Variants in PCYOX1 observed in about 807,000 individuals in gnomAD.
The protein encoded by PCYOX1 is prenylcysteine oxidase 1, also known as prenylcysteine lyase.
A neutral mutation model predicts 46.4 loss-of-function variants in PCYOX1; 46 were observed. The observed-to-expected ratio is 0.99, with a 90% CI of 0.78 to 1.27. PCYOX1 has a LOEUF of 1.27. PCYOX1 is among the 50% of genes most tolerant of loss of function. The pLI, the probability that PCYOX1 is intolerant of heterozygous loss-of-function variation, is 0.00. For synonymous variants in PCYOX1, 220 were observed against 231.8 expected (o/e 0.95, Z 0.46); for missense variants, 658 against 628.3 (o/e 1.05, Z -0.51).
intron 3 of PCYOX1, among the ~76,000 whole-genome samples, chr2:70,265,156 T>G (rs1162991986): frequency 6.6e-6 from 1 of 151,806 alleles, no homozygotes; most frequent in East Asian, 1.9e-4. Flanking sequence ...CTTCTGCACA[T>G]ACATTTATGT....
Position 70,281,139 on chromosome 2 carries a change from T to TACTC in PCYOX1, c.*3747_*3748insACTC, listed in dbSNP as rs2104905300. ...CCTCTTTCTACTCTTGTATTAAAATTTTTCCCCACTTCATGATTATATTCA... is the reference window on the plus strand; with the variant it reads ...CCTCTTTCTACTCTTGTATTAAAATTACTCTTTCCCCACTTCATGATTATATTCA... On this transcript the variant is annotated 3_prime_UTR_variant, in exon 6 of 6. Coordinates refer to ENST00000433351, the MANE Select transcript of PCYOX1 (RefSeq NM_016297.4). 6.6e-6 allele frequency: 1 copy of TACTC among 152,378 alleles called. No individual in the cohort carries two copies. Among genetic ancestry groups the TACTC allele is most frequent in the African/African-American group, 2.4e-5 (1 of 41,576 alleles). The allele number at this position is 152,378 out of a possible 1,614,324, so 9.4% of individuals were successfully genotyped here.
rs1696708350 is a variant in PCYOX1, at chr2:70,277,784, T to C, written c.*392T>C. 3 of 163,030 alleles carry C rather than the reference T, an allele frequency of 1.8e-5. No individual in the cohort carries two copies. Among genetic ancestry groups the C allele is most frequent in the Non-Finnish European group, 4.0e-5 (3 of 75,020 alleles). 10.1% of individuals were successfully genotyped at this position (163,030 alleles called of 1,614,324 possible). On this transcript the variant is annotated 3_prime_UTR_variant, in exon 6 of 6. Transcript: ENST00000433351. ...ATCACCTGGAGTTTGTTAAACCATA[T>C]GGATTCTCAAGCTCCTCTCTTGAAG...
At chr2:70,263,632 C>T (rs1248352973) in intron 3 of PCYOX1, among the ~76,000 whole-genome samples, 1 of 152,036 alleles carries the variant, frequency 6.6e-6, no homozygotes, top group Non-Finnish European at 1.5e-5. Flanking sequence ...ATGGCATCAG[C>T]CCTGCTTGTG....
intron 3 of PCYOX1, among the ~76,000 whole-genome samples, chr2:70,264,333 C>CTT (rs761565503): frequency 2.2e-5 from 3 of 137,062 alleles, no homozygotes; most frequent in Non-Finnish European, 3.2e-5. Context: ...TAAGAAATTA[C>CTT]TTTTTTTTTT....
rs750664588 is a variant in PCYOX1 at position 70,276,871 on chromosome 2, A to G, written c.997A>G (p.Ile333Val). 27 of 1,613,084 alleles carry G rather than the reference A, an allele frequency of 1.7e-5. No individual in the cohort carries two copies. Among genetic ancestry groups the G allele is most frequent in the Middle Eastern group, 1.6e-4 (1 of 6,082 alleles). The part of the protein sequence containing the change: ...NITFLNFDPP[I>V]EEFHQYYQHI... ...TACTTTTCTCAACTTTGATCCTCCA[A>G]TTGAGGAATTCCATCAATATTATCA... Residue 333 changes from isoleucine to valine, a missense_variant, in exon 6 of 6, where the codon ATT becomes GTT. Physicochemically the swap from Ile to Val is conservative, Grantham distance 29. Transcript: ENST00000433351.
intron 5 of PCYOX1, among the ~76,000 whole-genome samples, chr2:70,276,464 C>T (rs924478002): frequency 6.6e-6 from 1 of 152,126 alleles, no homozygotes; most frequent in African/African-American, 2.4e-5. Flanking sequence ...CCTCGGCCTC[C>T]CAAAGTGCTG....
intron 2 of PCYOX1, among the ~76,000 whole-genome samples, chr2:70,260,908 C>T (rs1696426371): frequency 6.6e-6 from 1 of 152,042 alleles, no homozygotes; most frequent in African/African-American, 2.4e-5. Flanking sequence ...AAATTGAATT[C>T]AGTTGGTACT....
chr2:70,274,819 C>T (rs1217455142), intron 3 of PCYOX1, 140 bp from the exon 4 acceptor site: 4 of 644,598 alleles, frequency 6.2e-6, no homozygotes, highest in African/African-American at 1.8e-5. Flanking sequence ...CCACCTCTGC[C>T]TCCCAAAGTG....
At chr2:70,275,267 A>G (rs978309284) in intron 4 of PCYOX1, 97 bp downstream of exon 4, 5 of 1,098,444 alleles carry the variant, frequency 4.6e-6, no homozygotes, top group South Asian at 2.6e-5. Flanking sequence ...ATTGGAGGCT[A>G]CTTTTCTCTG....
chr2:70,273,770 C>T (rs1696632093), intron 3 of PCYOX1, among the ~76,000 whole-genome samples: 1 of 152,138 alleles, frequency 6.6e-6, no homozygotes, highest in Non-Finnish European at 1.5e-5. Context: ...GTTTTAAATC[C>T]ATAAAATGCA....
chr2:70,280,327 T>A lies in PCYOX1; in HGVS notation c.*2935T>A, dbSNP rs1696754281. On this transcript the variant is annotated 3_prime_UTR_variant, in exon 6 of 6. Transcript: ENST00000433351. ...GCAACTATAGTATTAAGAGTTTTAT[T>A]GGAAGAAAAAACACTGTCAGAGCTT... is the stretch of plus-strand genomic sequence containing the variant. 1 of 152,044 alleles carries A rather than the reference T, an allele frequency of 6.6e-6. No individual in the cohort carries two copies. The highest frequency in any genetic ancestry group is 1.5e-5 in the Non-Finnish European group (1 of 68,010). 9.4% of individuals were successfully genotyped at this position (152,044 alleles called of 1,614,324 possible). A position where few individuals can be genotyped will look rare whatever the true frequency, so the allele number is the denominator to read the frequency against.
intron 1 of PCYOX1, among the ~76,000 whole-genome samples, chr2:70,258,922 C>G (rs565535921): frequency 6.6e-6 from 1 of 152,342 alleles, no homozygotes; most frequent in South Asian, 2.1e-4. Context: ...CTCCCGCCCC[C>G]CTTTAAAGTT....
At chr2:70,271,476 T>C (rs1696600087) in intron 3 of PCYOX1, among the ~76,000 whole-genome samples, 2 of 152,176 alleles carry the variant, frequency 1.3e-5, no homozygotes, top group South Asian at 2.1e-4. Flanking sequence ...TTTATAAATA[T>C]TGTCATATTT....
intron 3 of PCYOX1, among the ~76,000 whole-genome samples, chr2:70,267,218 A>C (rs552263164): frequency 2.7e-5 from 4 of 150,090 alleles, no homozygotes; most frequent in Admixed American, 6.6e-5. Flanking sequence ...CGCTCCCCAC[A>C]TCCCAGACGA....
At position 70,258,245 on chromosome 2, in the gene PCYOX1, C is replaced by T; in HGVS notation, c.81C>T (p.Gly27=). The change falls in exon 1 of 6, where the codon GGC becomes GGT. Residue 27 remains glycine (G), a synonymous_variant. Coordinates refer to ENST00000433351, the MANE Select transcript of PCYOX1 (RefSeq NM_016297.4). ...LLLCSCGCPE[G]AELRAPPDKI... ...TGTGCAGCTGCGGATGCCCCGAGGGCGCCGAGCTGCGTGCTCCGCCAGATA... is the reference window on the plus strand; with the variant it reads ...TGTGCAGCTGCGGATGCCCCGAGGGTGCCGAGCTGCGTGCTCCGCCAGATA... The T allele has an allele frequency of 1.3e-6, 2 of 1,593,580 alleles. No homozygotes were observed. Among genetic ancestry groups the T allele is most frequent in the East Asian group, 2.3e-5 (1 of 43,518 alleles).
chr2:70,258,437 C>G (rs751786343), intron 1 of PCYOX1, 161 bp downstream of exon 1: 1 of 394,124 alleles, frequency 2.5e-6, no homozygotes, highest in Non-Finnish European at 4.6e-6. Context: ...TTCAGGGCGG[C>G]TTTCAGCTCT....
chr2:70,263,744 C>T lies in PCYOX1; in HGVS notation c.494+2358C>T, dbSNP rs185210083. Reference sequence around the variant, plus strand: ...GCGGGATCTCGGCTTACTGCAACATCTGCCTCCCAGGTTCAAGTGATTCTC... The same window carrying T: ...GCGGGATCTCGGCTTACTGCAACATTTGCCTCCCAGGTTCAAGTGATTCTC... On this transcript the variant is annotated intron_variant, in intron 3 of 5. Transcript: ENST00000433351. Among the ~76,000 whole-genome samples the T allele has an allele frequency of 6.4e-3, 957 of 150,002 alleles. 6 individuals are homozygous for T. The highest frequency in any genetic ancestry group is 0.022 in the African/African-American group (913 of 40,760).
Position 70,280,475 on chromosome 2 carries a change from G to A in PCYOX1, c.*3083G>A, listed in dbSNP as rs556451836. On this transcript the variant is annotated 3_prime_UTR_variant, in exon 6 of 6. Coordinates refer to ENST00000433351, the MANE Select transcript of PCYOX1 (RefSeq NM_016297.4). ...CATGCATCAGTTACCTTAAGGGCTT[G>A]TTAAAACATCGCTAGGCTCCACCCT... 3 of 152,158 alleles carry A rather than the reference G, an allele frequency of 2.0e-5. No homozygotes were observed. Among genetic ancestry groups the A allele is most frequent in the Non-Finnish European group, 4.4e-5 (3 of 68,026 alleles). The allele number at this position is 152,158 out of a possible 1,614,324, so 9.4% of individuals were successfully genotyped here.
intron 3 of PCYOX1, among the ~76,000 whole-genome samples, chr2:70,262,222 A>G (rs979441248): frequency 6.6e-6 from 1 of 151,668 alleles, no homozygotes; most frequent in Non-Finnish European, 1.5e-5. Context: ...CTGGAGTGCA[A>G]TGGTTCGATA....
Sources: gnomAD v4.1 joint callset for allele counts (sites outside exome capture counted in the v4.1 genomes callset) on GRCh38, gnomAD v4.1.1 for gene constraint, MANE v1.5 for transcripts, NCBI Gene and HGNC (gene_info 2026-07-23, HGNC 2026-07-21) for gene names.